The following CLCN7 variants were observed in gnomAD, a reference collection of about 807,000 sequenced individuals.
CLCN7 encodes Cl-/H+ antiporter 7, also known as H(+)/Cl(-) exchange transporter 7.
In CLCN7, 60 loss-of-function variants were observed where a neutral mutation model predicts 102.1. That is an observed-to-expected ratio of 0.59 (90% confidence interval 0.48 to 0.73). CLCN7 has a LOEUF of 0.73. Ranked by LOEUF, CLCN7 falls within the 30% of genes least tolerant of loss-of-function variation. CLCN7 has a pLI of 0.00. For missense variants in CLCN7, 962 were observed against 1,125.7 expected (o/e 0.85, Z 2.08); for synonymous variants, 560 against 490.5 (o/e 1.14, Z -1.87).
chr16:1,474,966 G>T lies in CLCN7; in HGVS notation c.9C>A (p.Asn3Lys). Residue 3 changes from asparagine (N) to lysine (K), a missense_variant, in exon 1 of 25, where the codon AAC becomes AAA. By Grantham distance (94) the Asn-to-Lys change is moderately conservative. Transcript: ENST00000382745. ...CGGACCAGGACACCTTCTTAGAGAC[G>T]TTGGCCATGGCCCGCCGCGGAGCGA... is the stretch of plus-strand genomic sequence containing the variant. MA[N>K]VSKKVSWSGR... 1 of 1,485,776 alleles carries T rather than the reference G, an allele frequency of 6.7e-7. No homozygotes were observed. The highest frequency in any genetic ancestry group is 8.9e-7 in the Non-Finnish European group (1 of 1,121,816). The allele number at this position is 1,485,776 out of a possible 1,614,324, so 92.0% of individuals were successfully genotyped here. A position where few individuals can be genotyped will look rare whatever the true frequency, so the allele number is the denominator to read the frequency against.
At chr16:1,455,842 C>A in intron 10 of CLCN7, 47 bp from the exon 11 acceptor site, 3 of 1,594,172 alleles carry the variant, frequency 1.9e-6, no homozygotes, top group Non-Finnish European at 8.6e-7. Flanking sequence ...CACAGGGCAC[C>A]ATGCCCACCA....
chr16:1,447,057 C>T lies in CLCN7; in HGVS notation c.2280G>A (p.Leu760=). The change falls in exon 24 of 25, where the codon CTG becomes CTA. Residue 760 remains leucine (L), a synonymous_variant. Transcript: ENST00000382745. ...GGTGCCGCAGGCCCAGGGCCCGGAA[C>T]AGCTTGAACACCCGTGGGAGCGACG... ...QEASLPRVFK[L]FRALGLRHLV... 1.2e-6 allele frequency: 2 copies of T among 1,602,854 alleles called. No homozygotes were observed. The highest frequency in any genetic ancestry group is 8.5e-7 in the Non-Finnish European group (1 of 1,178,422).
Position 1,450,308 on chromosome 16 carries a change from A to G in CLCN7, c.1617+189T>C. 7.1e-6 allele frequency: 4 copies of G among 561,530 alleles called. No individual in the cohort carries two copies. In the Admixed American group the frequency reaches 7.8e-5, roughly 11 times the overall value. The allele number at this position is 561,530 out of a possible 1,614,324, so 34.8% of individuals were successfully genotyped here. A position where few individuals can be genotyped will look rare whatever the true frequency, so the allele number is the denominator to read the frequency against. On this transcript the variant is annotated intron_variant, in intron 17 of 24. Coordinates refer to ENST00000382745, the MANE Select transcript of CLCN7 (RefSeq NM_001287.6). The stretch of plus-strand genomic sequence containing the variant: ...CTCCACACATGGGCTGCGCTGCCAC[A>G]GTACACGCTGCCACCACAGCAGGAC...
rs8060503 is a variant in CLCN7 at position 1,457,842 on chromosome 16, G to A, written c.676-86C>T. ...GCCGTAAAACAGCACACACAGCCCCGATCAGGCAGAGTGGCTGGGACACGG... is the reference window on the plus strand; with the variant it reads ...GCCGTAAAACAGCACACACAGCCCCAATCAGGCAGAGTGGCTGGGACACGG... On this transcript the variant is annotated intron_variant, in intron 7 of 24. Coordinates refer to ENST00000382745, the MANE Select transcript of CLCN7 (RefSeq NM_001287.6). The surrounding 1 kb of genome is among the most constrained non-coding windows in gnomAD (Gnocchi z 5.4). 14 of 1,356,014 alleles carry A rather than the reference G, an allele frequency of 1.0e-5. No homozygotes were observed. Among genetic ancestry groups the A allele is most frequent in the African/African-American group, 2.9e-5 (2 of 69,818 alleles). 84.0% of individuals were successfully genotyped at this position (1,356,014 alleles called of 1,614,324 possible).
intron 2 of CLCN7, among the ~76,000 whole-genome samples, chr16:1,463,845 G>C (rs919329317): frequency 2.1e-4 from 32 of 151,966 alleles, no homozygotes; most frequent in African/African-American, 7.5e-4. Flanking sequence ...CACCATCTCA[G>C]CTCACTGAAA....
Position 1,457,885 on chromosome 16 carries a change from C to T in CLCN7, c.676-129G>A. On this transcript the variant is annotated intron_variant, in intron 7 of 24. Transcript: ENST00000382745. This position sits in a 1 kb window ranked among gnomAD's most constrained non-coding sequence, Gnocchi z 5.4. The stretch of plus-strand genomic sequence containing the variant: ...GGACACGGGGCCTCCGGGAGGGGGC[C>T]AGCACCCCCAGGCTGGGTCTCCCCA... 1 of 877,196 alleles carries T rather than the reference C, an allele frequency of 1.1e-6. No homozygotes were observed. The highest frequency in any genetic ancestry group is 2.6e-5 in the East Asian group (1 of 38,224). The allele number at this position is 877,196 out of a possible 1,614,324, so 54.3% of individuals were successfully genotyped here.
chr16:1,470,090 AAGG>A (rs2039056468), intron 1 of CLCN7, among the ~76,000 whole-genome samples: 2 of 152,248 alleles, frequency 1.3e-5, no homozygotes, highest in African/African-American at 4.8e-5. Context: ...TCAGTTTGGC[AAGG>A]AATGGGTTGT....
Position 1,461,486 on chromosome 16 carries a change from G to T in CLCN7, c.286-16C>A, listed in dbSNP as rs2038936298. On this transcript the variant is annotated splice_polypyrimidine_tract_variant and intron_variant, in intron 3 of 24. Transcript: ENST00000382745. Reference sequence around the variant, plus strand: ...AGTCCAAGCTCTGCAGGCCGGGACAGCAAGGGCAGCACTCAGCACCGAACC... The same window carrying T: ...AGTCCAAGCTCTGCAGGCCGGGACATCAAGGGCAGCACTCAGCACCGAACC... 6.3e-7 allele frequency: 1 copy of T among 1,589,468 alleles called. No homozygotes were observed.
chr16:1,460,104 G>A lies in CLCN7; in HGVS notation c.594+314C>T, dbSNP rs553711926. Reference sequence around the variant, plus strand: ...CCCAGCCCAGACACAGATCAAGGACGTGGTGGAGGCGGAGGTGGAGATGGA... The same window carrying A: ...CCCAGCCCAGACACAGATCAAGGACATGGTGGAGGCGGAGGTGGAGATGGA... On this transcript the variant is annotated intron_variant, in intron 6 of 24. Coordinates refer to ENST00000382745, the MANE Select transcript of CLCN7 (RefSeq NM_001287.6). Among the ~76,000 whole-genome samples, 34 of 151,996 alleles carry A rather than the reference G, an allele frequency of 2.2e-4. No homozygotes were observed. The South Asian group carries it at 5.2e-3, about 23-fold the overall frequency.
chr16:1,448,333 C>T (rs1442749618), intron 21 of CLCN7, 22 bp downstream of exon 21: 2 of 1,612,400 alleles, frequency 1.2e-6, no homozygotes, highest in Non-Finnish European at 1.7e-6. Context: ...AGGCAGGACC[C>T]TGTCTATGGG....
Position 1,449,092 on chromosome 16 carries a change from G to T in CLCN7, c.1671C>A (p.Gly557=). ...YALMGAAAQL[G]GIVRMTLSLT... ...GGCTCAGTGTCATCCGCACAATCCC[G>T]CCTGCGGGAGCCATCATGAACCCCA... Residue 557 remains glycine (G), a splice_region_variant and synonymous_variant, in exon 19 of 25, where the codon GGC becomes GGA. Transcript: ENST00000382745. The T allele has an allele frequency of 6.2e-7, 1 of 1,612,744 alleles. No homozygotes were observed. Among genetic ancestry groups the T allele is most frequent in the South Asian group, 1.1e-5 (1 of 91,078 alleles).
chr16:1,465,293 C>G lies in CLCN7; in HGVS notation c.187G>C (p.Glu63Gln), dbSNP rs2038989690. Residue 63 changes from glutamate to glutamine, a missense_variant, in exon 2 of 25, where the codon GAG (glutamate) becomes CAG (glutamine). Physicochemically the swap from Glu to Gln is conservative, Grantham distance 29. Coordinates refer to ENST00000382745, the MANE Select transcript of CLCN7 (RefSeq NM_001287.6). ...GGGTCCAAAAGTTCATCATCCAGCT[C>G]CACGCTGCTCATATGTCCGACTCGG... ...LFRVGHMSSVELDDELLDPDM... is the reference protein window; with the variant it reads ...LFRVGHMSSVQLDDELLDPDM... The G allele has an allele frequency of 6.2e-7, 1 of 1,613,910 alleles. No individual in the cohort carries two copies. The highest frequency in any genetic ancestry group is 1.3e-5 in the African/African-American group (1 of 75,052).
chr16:1,471,109 C>T (rs879453547), intron 1 of CLCN7, among the ~76,000 whole-genome samples: 4 of 152,170 alleles, frequency 2.6e-5, no homozygotes, highest in South Asian at 2.1e-4. Context: ...AAAGCAAGAC[C>T]GGCCTGAGAA....
chr16:1,456,366 G>A (rs1415569365), intron 9 of CLCN7, among the ~76,000 whole-genome samples, 160 bp from the exon 10 acceptor site: 2 of 152,178 alleles, frequency 1.3e-5, no homozygotes, highest in Admixed American at 6.5e-5. Context: ...TGCAGACCAC[G>A]GCAAGAGACA....
intron 1 of CLCN7, among the ~76,000 whole-genome samples, chr16:1,469,973 G>A (rs772421726): frequency 2.5e-4 from 38 of 152,216 alleles, no homozygotes; most frequent in Admixed American, 5.9e-4. Context: ...GACAGCTCCC[G>A]CAGGTCCACT....
At chr16:1,451,400 C>T (rs180860565) in intron 16 of CLCN7, among the ~76,000 whole-genome samples, 1 of 152,296 alleles carries the variant, frequency 6.6e-6, no homozygotes, top group African/African-American at 2.4e-5. Flanking sequence ...GACAGAGTCT[C>T]GCTAAGTTGC....
At position 1,474,990 on chromosome 16, in the gene CLCN7, G is replaced by A; in HGVS notation, c.-16C>T. ...CGTTGGCCATGGCCCGCCGCGGAGC[G>A]ACACCGGCCGGGAAGCGCCGGCTGC... On this transcript the variant is annotated 5_prime_UTR_variant, in exon 1 of 25. Coordinates refer to ENST00000382745, the MANE Select transcript of CLCN7 (RefSeq NM_001287.6). The A allele has an allele frequency of 6.8e-7, 1 of 1,465,556 alleles. No individual in the cohort carries two copies. Among genetic ancestry groups the A allele is most frequent in the Non-Finnish European group, 9.0e-7 (1 of 1,110,194 alleles). 90.8% of individuals were successfully genotyped at this position (1,465,556 alleles called of 1,614,324 possible). A position where few individuals can be genotyped will look rare whatever the true frequency, so the allele number is the denominator to read the frequency against.
rs2277854 is a variant in CLCN7 at position 1,454,659 on chromosome 16, G to A, written c.1099-194C>T. Among the ~76,000 whole-genome samples, 45 of 152,326 alleles carry A rather than the reference G, an allele frequency of 3.0e-4. No individual in the cohort carries two copies. In the East Asian group the frequency reaches 8.1e-3, roughly 27 times the overall value. ...GAGCAGGCCTGGCCCCTGCCTGGCG[G>A]GGTGGCCAGCGAGGCTCTCAGAGAC... is the stretch of plus-strand genomic sequence containing the variant. On this transcript the variant is annotated intron_variant, in intron 12 of 24. Transcript: ENST00000382745.
chr16:1,454,626 G>A (rs2038805354), intron 12 of CLCN7, among the ~76,000 whole-genome samples, 161 bp from the exon 13 acceptor site: 1 of 152,236 alleles, frequency 6.6e-6, no homozygotes, highest in Non-Finnish European at 1.5e-5. Flanking sequence ...AAACACACTG[G>A]GTGTTCTGAG....
Sources: gnomAD v4.1 joint callset for allele counts (sites outside exome capture counted in the v4.1 genomes callset) on GRCh38, gnomAD v4.1.1 for gene constraint, Gnocchi (gnomAD v3.1) non-coding constraint, MANE v1.5 for transcripts, NCBI Gene and HGNC (gene_info 2026-07-23, HGNC 2026-07-21) for gene names.